The following TANGO6 variants were observed in gnomAD, a reference collection of about 807,000 sequenced individuals.
TANGO6 encodes the protein transport and golgi organization 6 homolog.
A neutral mutation model predicts 114.2 loss-of-function variants in TANGO6; 90 were observed. That is an observed-to-expected ratio of 0.79 (90% CI 0.66 to 0.94). The LOEUF is 0.94. TANGO6 is among the 40% of genes least tolerant of loss of function. The pLI, the probability that TANGO6 is intolerant of heterozygous loss-of-function variation, is 0.00. For missense variants in TANGO6, 1,274 were observed against 1,315.3 expected (o/e 0.97, Z 0.49); for synonymous variants, 477 against 509.8 (o/e 0.94, Z 0.87).
chr16:68,895,161 A>T (rs1462757298), intron 7 of TANGO6, among the ~76,000 whole-genome samples: 1 of 152,182 alleles, frequency 6.6e-6, no homozygotes, highest in Admixed American at 6.6e-5. Context: ...GGAATGCAGT[A>T]CATGGTAGTT....
At position 68,863,002 on chromosome 16, in the gene TANGO6, CA is replaced by C. The variant is rs772613783; in HGVS notation, c.795del (p.Val266SerfsTer5). ...SRGALRDMLD[Q>X]VYQPLAVREL... is the part of the protein sequence containing the mutation. ...GGGGGCCTTGAGAGACATGCTGGAT[CA>C]AGTCTATCAGCCCTTAGCAGTCCGG... On this transcript the variant is annotated frameshift_variant, in exon 3 of 18. Transcript: ENST00000261778. LOFTEE classifies it high-confidence loss of function. 1.2e-6 allele frequency: 2 copies of C among 1,600,902 alleles called. No homozygotes were observed. Among genetic ancestry groups the C allele is most frequent in the African/African-American group, 2.7e-5 (2 of 74,674 alleles).
chr16:69,013,617 CAAAA>C (rs772122523), intron 15 of TANGO6, among the ~76,000 whole-genome samples: 3 of 70,230 alleles, frequency 4.3e-5, no homozygotes, highest in Non-Finnish European at 2.9e-5. Flanking sequence ...ACCCTGTCTC[CAAAA>C]AAAAAAAAAA....
intron 12 of TANGO6, among the ~76,000 whole-genome samples, chr16:68,923,757 T>G (rs923940587): frequency 1.4e-4 from 21 of 152,172 alleles, no homozygotes; most frequent in Admixed American, 1.4e-3. Context: ...GAAGAAAGAA[T>G]AAAAGGAAGA....
At chr16:68,933,260 C>G (rs1481208130) in intron 14 of TANGO6, among the ~76,000 whole-genome samples, 1 of 152,116 alleles carries the variant, frequency 6.6e-6, no homozygotes, top group Non-Finnish European at 1.5e-5. Context: ...GCTAAAAATA[C>G]AAAAATTAGC....
chr16:69,038,038 C>T (rs1045624434), intron 16 of TANGO6, among the ~76,000 whole-genome samples: 3 of 152,216 alleles, frequency 2.0e-5, no homozygotes, highest in African/African-American at 4.8e-5. Context: ...TGTATTTGTA[C>T]GTGTTTCTAA....
chr16:68,959,289 T>C (rs1477169308), intron 14 of TANGO6, among the ~76,000 whole-genome samples: 2 of 152,014 alleles, frequency 1.3e-5, no homozygotes, highest in East Asian at 3.9e-4. Flanking sequence ...TCTGTTAGGG[T>C]TAAATAAGGA....
intron 17 of TANGO6, among the ~76,000 whole-genome samples, chr16:69,077,045 ATT>A (rs111623006): frequency 2.8e-5 from 4 of 144,996 alleles, no homozygotes; most frequent in Admixed American, 6.9e-5. Context: ...ATTATTACGA[ATT>A]TTTTTTTTTT....
At chr16:68,859,678 T>C (rs1962057319) in intron 1 of TANGO6, among the ~76,000 whole-genome samples, 1 of 152,210 alleles carries the variant, frequency 6.6e-6, no homozygotes, top group African/African-American at 2.4e-5. Flanking sequence ...ACTACTCCAA[T>C]TACATGCAAA....
At chr16:68,898,337 T>C (rs956332451) in intron 7 of TANGO6, among the ~76,000 whole-genome samples, 2 of 152,158 alleles carry the variant, frequency 1.3e-5, no homozygotes, top group Non-Finnish European at 2.9e-5. Flanking sequence ...AAATTAGGGC[T>C]GATTTTTAAG....
chr16:68,860,961 C>T (rs1273827925), intron 2 of TANGO6, among the ~76,000 whole-genome samples: 1 of 152,108 alleles, frequency 6.6e-6, no homozygotes, highest in Admixed American at 6.6e-5. Context: ...AATGAAATAA[C>T]ACATATAGAG....
intron 14 of TANGO6, among the ~76,000 whole-genome samples, chr16:68,962,406 C>T (rs1963601880): frequency 6.6e-6 from 1 of 152,162 alleles, no homozygotes; most frequent in Non-Finnish European, 1.5e-5. Context: ...TGTTAACCAT[C>T]ATTTGTTATT....
At chr16:68,982,896 T>C (rs960533937) in intron 15 of TANGO6, among the ~76,000 whole-genome samples, 2 of 152,256 alleles carry the variant, frequency 1.3e-5, no homozygotes, top group Middle Eastern at 3.4e-3. Context: ...ATATTTCATG[T>C]TCCTTGCTAA....
chr16:68,936,614 C>T (rs1316184829), intron 14 of TANGO6, among the ~76,000 whole-genome samples: 1 of 152,164 alleles, frequency 6.6e-6, no homozygotes, highest in African/African-American at 2.4e-5. Context: ...GGATTACAGG[C>T]GTGAGCCACC....
intron 14 of TANGO6, among the ~76,000 whole-genome samples, chr16:68,942,088 G>A (rs1366814523): frequency 6.6e-6 from 1 of 152,170 alleles, no homozygotes; most frequent in Non-Finnish European, 1.5e-5. Flanking sequence ...CCAGCACTTT[G>A]AGAGGCCGAG....
In TANGO6 at chr16:69,010,612, C is replaced by A. The variant is rs1465551803; in HGVS notation, c.2843-12216C>A. On this transcript the variant is annotated intron_variant, in intron 15 of 17. Coordinates refer to ENST00000261778, the MANE Select transcript of TANGO6 (RefSeq NM_024562.2). Reference sequence around the variant, plus strand: ...TGAAGCAATCTTCCTCTTGTCTGCCCCTATGAGAATCCTTACCATTCTTCA... The same window carrying A: ...TGAAGCAATCTTCCTCTTGTCTGCCACTATGAGAATCCTTACCATTCTTCA... Among the ~76,000 whole-genome samples the A allele has an allele frequency of 3.3e-5, 5 of 152,108 alleles. No individual in the cohort carries two copies. In the East Asian group the frequency reaches 7.7e-4, roughly 23 times the overall value.
intron 14 of TANGO6, among the ~76,000 whole-genome samples, chr16:68,962,937 A>G (rs1963608141): frequency 6.6e-6 from 1 of 150,656 alleles, no homozygotes; most frequent in Non-Finnish European, 1.5e-5. Flanking sequence ...ATGAAAAAAA[A>G]AAAAAAATTA....
chr16:68,974,273 TAG>T, intron 15 of TANGO6, 105 bp downstream of exon 15: 3 of 1,343,354 alleles, frequency 2.2e-6, no homozygotes, highest in Admixed American at 3.8e-5. Context: ...GTGGTGAGGG[TAG>T]TTTGAGGGCT....
intron 15 of TANGO6, among the ~76,000 whole-genome samples, chr16:69,020,904 A>G (rs1646226): frequency 0.035 from 3,100 of 87,328 alleles, 97 homozygotes; most frequent in African/African-American, 0.066. Context: ...ATATGTATGT[A>G]TGTGTGTGTG....
Position 68,878,181 on chromosome 16 carries a change from A to G in TANGO6, c.1195A>G (p.Thr399Ala), listed in dbSNP as rs376541117. The G allele has an allele frequency of 2.8e-5, 45 of 1,613,278 alleles. No homozygotes were observed. Among genetic ancestry groups the G allele is most frequent in the East Asian group, 2.0e-4 (9 of 44,862 alleles). Residue 399 changes from threonine (T) to alanine (A), a missense_variant, in exon 6 of 18, where the codon ACT becomes GCT. Thr to Ala is a moderately conservative substitution (Grantham distance 58). Around this residue, in one of 5 missense-constraint regions of TANGO6, gnomAD observed 908 missense variants for 910.2 expected, o/e 1.00. Transcript: ENST00000261778. The stretch of plus-strand genomic sequence containing the variant: ...ACGACAATTTCAGAGAGTTGCCACC[A>G]CTACCTTTATAACTTTGTCAAGAGA... ...TARQFQRVAT[T>A]TFITLSRERP...
Sources: allele counts gnomAD v4.1 joint callset (sites outside exome capture counted in the v4.1 genomes callset), GRCh38; gene constraint gnomAD v4.1.1; regional missense constraint gnomAD v4.1.1; transcripts MANE v1.5; gene names NCBI Gene and HGNC (gene_info 2026-07-23, HGNC 2026-07-21).